PTCH2: variants seen among roughly 807,000 people sequenced by gnomAD.
PTCH2 encodes protein patched homolog 2.
PTCH2 carries 96 observed loss-of-function variants against 117.9 expected under a neutral mutation model. The ratio of observed to expected loss-of-function variants is 0.81; its 90% confidence interval spans 0.69 to 0.96. The LOEUF (loss-of-function observed/expected upper bound fraction) is 0.96, where lower values mean the gene tolerates loss of function less well. PTCH2 is among the 50% of genes least tolerant of loss of function. The pLI is 0.00. For missense variants in PTCH2, 1,379 were observed against 1,562.5 expected (o/e 0.88, Z 1.98); for synonymous variants, 615 against 660.9 (o/e 0.93, Z 1.06).
In PTCH2 at chr1:44,823,134, G is replaced by C. The variant is rs760101208; in HGVS notation, c.3292C>G (p.Leu1098Val). 9 of 1,614,092 alleles carry C rather than the reference G, an allele frequency of 5.6e-6. No homozygotes were observed. The South Asian group carries it at 7.7e-5, about 14-fold the overall frequency. ...FFAALTVLTL[L>V]GLLHGLVLLP... The stretch of plus-strand genomic sequence containing the variant: ...AGCACGAGTCCATGGAGGAGGCCCA[G>C]GAGCGTGAGCACTGTCAGCGCCGCA... Residue 1098 changes from leucine to valine, a missense_variant, in exon 21 of 22, where the codon CTG becomes GTG. Transcript: ENST00000372192. The surrounding 1 kb of genome is among the most constrained non-coding windows in gnomAD (Gnocchi z 5.1).
At chr1:44,832,107 C>G in intron 3 of PTCH2, 45 bp downstream of exon 3, 1 of 1,613,232 alleles carries the variant, frequency 6.2e-7, no homozygotes. Context: ...AGAACCCCCA[C>G]AGCACGCCTC....
rs1463458001 is a variant in PTCH2, at chr1:44,822,433, T to G, written c.3594A>C (p.Pro1198=). 6.2e-7 allele frequency: 1 copy of G among 1,613,690 alleles called. No individual in the cohort carries two copies. The highest frequency in any genetic ancestry group is 1.3e-5 in the African/African-American group (1 of 74,898). The change falls in exon 22 of 22, where the codon CCA becomes CCC. Residue 1198 remains proline, a synonymous_variant. Coordinates refer to ENST00000372192, the MANE Select transcript of PTCH2 (RefSeq NM_003738.5). ...TSSGNLSSRG[P]GPATG ...TGCTCTTTCACCCAGTGGCTGGACC[T>G]GGTCCCCTGGAACTGAGGTTGCCAG...
intron 6 of PTCH2, 34 bp downstream of exon 6, chr1:44,830,814 C>G (rs2148879046): frequency 6.6e-7 from 1 of 1,507,972 alleles, no homozygotes; most frequent in Non-Finnish European, 8.9e-7. Context: ...GGAAGGAAAA[C>G]AGCCTTTCCC....
chr1:44,819,966 G>A (rs141950484), downstream of PTCH2: 399 of 154,026 alleles, frequency 2.6e-3, 1 homozygote, highest in African/African-American at 4.9e-3. Flanking sequence ...AAAGGCGAAA[G>A]ATTTATGCGC....
chr1:44,826,109 G>A lies in PTCH2; in HGVS notation c.3114+141C>T. The A allele has an allele frequency of 8.5e-7, 1 of 1,176,798 alleles. No homozygotes were observed. Among genetic ancestry groups the A allele is most frequent in the Admixed American group, 2.1e-5 (1 of 48,220 alleles). 72.9% of individuals were successfully genotyped at this position (1,176,798 alleles called of 1,614,324 possible). On this transcript the variant is annotated intron_variant, in intron 19 of 21. Coordinates refer to ENST00000372192, the MANE Select transcript of PTCH2 (RefSeq NM_003738.5). The surrounding 1 kb of genome is among the most constrained non-coding windows in gnomAD (Gnocchi z 5.1). ...GATCCACCTGCCTCGGCCTCCCAAA[G>A]TGCTGGGATTACAGGAATGAGCTAC...
intron 2 of PTCH2, among the ~76,000 whole-genome samples, chr1:44,840,871 G>A (rs1401366467): frequency 6.6e-6 from 1 of 151,916 alleles, no homozygotes; most frequent in Non-Finnish European, 1.5e-5. Context: ...TCCAGCCTGG[G>A]TGACAGAGTG....
intron 6 of PTCH2, 72 bp downstream of exon 6, chr1:44,830,776 A>G: frequency 6.9e-7 from 1 of 1,448,934 alleles, no homozygotes; most frequent in South Asian, 1.4e-5. Flanking sequence ...CAGCTCCCCC[A>G]GAACACAGGA....
chr1:44,843,090 G>C lies in PTCH2; in HGVS notation c.-158C>G. The C allele has an allele frequency of 1.4e-6, 2 of 1,395,098 alleles. No homozygotes were observed. Among genetic ancestry groups the C allele is most frequent in the South Asian group, 3.3e-5 (2 of 61,458 alleles). The allele number at this position is 1,395,098 out of a possible 1,614,324, so 86.4% of individuals were successfully genotyped here. Reference sequence around the variant, plus strand: ...GAGACTGTGGGGTGTGGGTGTTAAAGCGGCTGGGAGGGAGGAGTGCAGGGA... The same window carrying C: ...GAGACTGTGGGGTGTGGGTGTTAAACCGGCTGGGAGGGAGGAGTGCAGGGA... On this transcript the variant is annotated 5_prime_UTR_variant, in exon 1 of 22. Transcript: ENST00000372192.
downstream of PTCH2, chr1:44,820,820 C>G (rs1399429952): frequency 3.1e-6 from 2 of 648,044 alleles, no homozygotes; most frequent in African/African-American, 1.8e-5. Flanking sequence ...CTGGTGAGCT[C>G]TCTCTGCTCC....
At chr1:44,827,106 G>A (rs768790648) in intron 16 of PTCH2, 24 bp from the exon 17 acceptor site, 1 of 1,613,950 alleles carries the variant, frequency 6.2e-7, no homozygotes, top group South Asian at 1.1e-5. Context: ...GAGGGCTGAA[G>A]GCCTGGGCCC....
intron 2 of PTCH2, among the ~76,000 whole-genome samples, chr1:44,841,167 T>TCAAA (rs751609475): frequency 3.4e-5 from 5 of 148,682 alleles, no homozygotes; most frequent in South Asian, 4.3e-4. Context: ...AGACTCTGTC[T>TCAAA]CAAACAAACA....
downstream of PTCH2, chr1:44,819,867 T>TA (rs533536389): frequency 1.3e-5 from 2 of 153,040 alleles, no homozygotes; most frequent in Admixed American, 6.5e-5. Context: ...GCCTAACTTT[T>TA]AATACTTAAA....
In PTCH2 at chr1:44,831,716, C is replaced by A; in HGVS notation, c.607G>T (p.Ala203Ser). Residue 203 changes from alanine (A) to serine (S), a missense_variant, in exon 5 of 22, where the codon GCC becomes TCC. By Grantham distance (99) the Ala-to-Ser change is moderately conservative. Coordinates refer to ENST00000372192, the MANE Select transcript of PTCH2 (RefSeq NM_003738.5). The surrounding 1 kb of genome is among the most constrained non-coding windows in gnomAD (Gnocchi z 4.3). ...WEGAKLQGGS[A>S]YLPGRPDIQW... is the part of the protein sequence containing the mutation. Reference sequence around the variant, plus strand: ...AGGAGTGGCACTCACGGCAGGTAGGCGGAGCCCCCTTGGAGTTTGGCTCCC... The same window carrying A: ...AGGAGTGGCACTCACGGCAGGTAGGAGGAGCCCCCTTGGAGTTTGGCTCCC... The A allele has an allele frequency of 6.4e-7, 1 of 1,558,718 alleles. No individual in the cohort carries two copies. Among genetic ancestry groups the A allele is most frequent in the South Asian group, 1.2e-5 (1 of 84,884 alleles).
downstream of PTCH2, chr1:44,820,568 A>G: frequency 1.5e-6 from 1 of 673,678 alleles, no homozygotes; most frequent in Non-Finnish European, 2.8e-6. Flanking sequence ...GGGAGGTGAG[A>G]AAGTGTTCTA....
chr1:44,835,434 A>C (rs187978394), intron 2 of PTCH2, among the ~76,000 whole-genome samples: 2 of 152,210 alleles, frequency 1.3e-5, no homozygotes, highest in African/African-American at 2.4e-5. Context: ...ATAAATAATA[A>C]TGTAAATGCA....
Position 44,826,407 on chromosome 1 carries a change from C to T in PTCH2, c.2977-20G>A, listed in dbSNP as rs1280020218. On this transcript the variant is annotated intron_variant, in intron 18 of 21. Transcript: ENST00000372192. The surrounding 1 kb of genome is among the most constrained non-coding windows in gnomAD (Gnocchi z 5.1). Reference sequence around the variant, plus strand: ...CAGCACCTGAGGGAGACAGGGCTCACAGAGGGCTCCTGGCAGGAGGGATGA... The same window carrying T: ...CAGCACCTGAGGGAGACAGGGCTCATAGAGGGCTCCTGGCAGGAGGGATGA... 6.2e-7 allele frequency: 1 copy of T among 1,614,060 alleles called. No homozygotes were observed. The highest frequency in any genetic ancestry group is 8.5e-7 in the Non-Finnish European group (1 of 1,180,012).
chr1:44,826,121 C>G lies in PTCH2; in HGVS notation c.3114+129G>C, dbSNP rs1047047250. ...TCGGCCTCCCAAAGTGCTGGGATTA[C>G]AGGAATGAGCTACCACGTCCACCCA... is the stretch of plus-strand genomic sequence containing the variant. On this transcript the variant is annotated intron_variant, in intron 19 of 21. Transcript: ENST00000372192. This position sits in a 1 kb window ranked among gnomAD's most constrained non-coding sequence, Gnocchi z 5.1. 1 of 1,291,062 alleles carries G rather than the reference C, an allele frequency of 7.7e-7. No homozygotes were observed. Among genetic ancestry groups the G allele is most frequent in the African/African-American group, 1.5e-5 (1 of 68,024 alleles). 80.0% of individuals were successfully genotyped at this position (1,291,062 alleles called of 1,614,324 possible). A position where few individuals can be genotyped will look rare whatever the true frequency, so the allele number is the denominator to read the frequency against.
intron 6 of PTCH2, among the ~76,000 whole-genome samples, 166 bp from the exon 7 acceptor site, chr1:44,830,196 A>G (rs1482120268): frequency 6.6e-6 from 1 of 151,620 alleles, no homozygotes; most frequent in Non-Finnish European, 1.5e-5. Flanking sequence ...AACAGCTAGT[A>G]TCCCGCAGAC....
rs371828594 is a variant in PTCH2 at position 44,826,322 on chromosome 1, C to A, written c.3042G>T (p.Leu1014=). Residue 1014 remains leucine (L), a synonymous_variant, in exon 19 of 22, where the codon CTG becomes CTT. Coordinates refer to ENST00000372192, the MANE Select transcript of PTCH2 (RefSeq NM_003738.5). The surrounding 1 kb of genome is among the most constrained non-coding windows in gnomAD (Gnocchi z 5.1). ...CAAGGATCACCACGGGGATGGCACT[C>A]AGCTTGATGCCCAGGAAACCCATGA... ...FGIMGFLGIK[L]SAIPVVILVA... The A allele has an allele frequency of 2.5e-6, 4 of 1,614,034 alleles. No homozygotes were observed. The East Asian group carries it at 8.9e-5, about 36-fold the overall frequency.
Sources: gnomAD v4.1 joint callset for allele counts (sites outside exome capture counted in the v4.1 genomes callset) on GRCh38, gnomAD v4.1.1 for gene constraint, Gnocchi (gnomAD v3.1) non-coding constraint, MANE v1.5 for transcripts, NCBI Gene and HGNC (gene_info 2026-07-23, HGNC 2026-07-21) for gene names.